Variants in MON2 observed in about 807,000 individuals in gnomAD.
MON2 encodes MON2 regulator of endosome-to-Golgi trafficking.
A neutral mutation model predicts 208.6 loss-of-function variants in MON2; 84 were observed. That is an observed-to-expected ratio of 0.40 (90% CI 0.34 to 0.48). The LOEUF is 0.48. MON2 is among the 20% of genes least tolerant of loss of function. The probability of loss-of-function intolerance (pLI) is 0.59; values close to 1 mark genes in which losing one functional copy is unlikely to be tolerated. For missense variants in MON2, 1,611 were observed against 2,015.4 expected (o/e 0.80, Z 3.84); for synonymous variants, 660 against 694.0 (o/e 0.95, Z 0.77).
intron 20 of MON2, among the ~76,000 whole-genome samples, chr12:62,544,494 C>A (rs1456607002): frequency 6.6e-6 from 1 of 151,928 alleles, no homozygotes; most frequent in Non-Finnish European, 1.5e-5. Context: ...TGTACATGAG[C>A]TTTCCCCCCA....
intron 14 of MON2, 50 bp downstream of exon 14, chr12:62,535,759 G>A: frequency 1.5e-6 from 2 of 1,360,722 alleles, no homozygotes; most frequent in Non-Finnish European, 9.9e-7. Context: ...ATGATATGGT[G>A]TAGACAGAAG....
At chr12:62,476,217 C>T (rs144013927) in intron 1 of MON2, among the ~76,000 whole-genome samples, 1 of 152,162 alleles carries the variant, frequency 6.6e-6, no homozygotes, top group Admixed American at 6.5e-5. Flanking sequence ...TTGAATGTTA[C>T]AGAAGAAAAT....
chr12:62,548,578 A>G (rs1333176020), intron 22 of MON2, among the ~76,000 whole-genome samples: 2 of 152,194 alleles, frequency 1.3e-5, no homozygotes, highest in Admixed American at 1.3e-4. Context: ...AAATATTTAT[A>G]GTAATAAAAT....
At chr12:62,521,052 T>C (rs1288072096) in intron 8 of MON2, among the ~76,000 whole-genome samples, 2 of 151,786 alleles carry the variant, frequency 1.3e-5, no homozygotes, top group African/African-American at 4.8e-5. Context: ...ATTGCCCAGG[T>C]TGGAGTGCAG....
intron 1 of MON2, among the ~76,000 whole-genome samples, chr12:62,477,759 C>T (rs1266796420): frequency 6.6e-6 from 1 of 152,162 alleles, no homozygotes; most frequent in Non-Finnish European, 1.5e-5. Context: ...CCCCACCTCA[C>T]CTCCATTCCT....
intron 32 of MON2, among the ~76,000 whole-genome samples, chr12:62,581,702 T>G (rs939816782): frequency 5.3e-5 from 8 of 152,074 alleles, no homozygotes; most frequent in African/African-American, 1.9e-4. Flanking sequence ...GTGATGGCAT[T>G]TGTCTGTTAT....
chr12:62,500,902 AT>A, intron 6 of MON2, 22 bp downstream of exon 6: 2 of 1,345,160 alleles, frequency 1.5e-6, no homozygotes, highest in African/African-American at 1.5e-5. Context: ...GATAAAAGTA[AT>A]TTTTATTCTA....
intron 12 of MON2, among the ~76,000 whole-genome samples, chr12:62,533,885 A>G (rs2072778964): frequency 6.6e-6 from 1 of 152,174 alleles, no homozygotes; most frequent in Non-Finnish European, 1.5e-5. Context: ...TCAGTACCAC[A>G]AGGTTTATTT....
intron 30 of MON2, 50 bp from the exon 31 acceptor site, chr12:62,578,395 A>G (rs1014152763): frequency 2.6e-6 from 3 of 1,170,550 alleles, no homozygotes; most frequent in Non-Finnish European, 3.6e-6. Context: ...TTTTGTTTGT[A>G]TTTGCAGGGA....
chr12:62,471,376 GT>G, intron 1 of MON2, among the ~76,000 whole-genome samples: 1 of 151,996 alleles, frequency 6.6e-6, no homozygotes, highest in Non-Finnish European at 1.5e-5. Context: ...TAGAGACGGG[GT>G]TTCACCATGT....
chr12:62,515,916 A>G (rs1206680668), intron 8 of MON2, among the ~76,000 whole-genome samples: 1 of 152,094 alleles, frequency 6.6e-6, no homozygotes, highest in Non-Finnish European at 1.5e-5. Context: ...TTTATATTGT[A>G]TGGTTTTACC....
At chr12:62,542,952 T>C (rs985720904) in intron 19 of MON2, 145 bp from the exon 20 acceptor site, 21 of 441,570 alleles carry the variant, frequency 4.8e-5, no homozygotes, top group Non-Finnish European at 8.2e-5. Flanking sequence ...CTTTGATAAC[T>C]GAGGTTTTGT....
intron 22 of MON2, among the ~76,000 whole-genome samples, chr12:62,548,049 T>A (rs1359064146): frequency 6.6e-6 from 1 of 152,148 alleles, no homozygotes; most frequent in Admixed American, 6.6e-5. Context: ...GGCAAAATTA[T>A]GAAGGAGATC....
rs187489541 is a variant in MON2 at position 62,566,573 on chromosome 12, A to G, written c.4323+123A>G. 78 of 1,032,086 alleles carry G rather than the reference A, an allele frequency of 7.6e-5. No homozygotes were observed. In the African/African-American group the frequency reaches 1.2e-3, roughly 16 times the overall value. The allele number at this position is 1,032,086 out of a possible 1,614,324, so 63.9% of individuals were successfully genotyped here. ...AAATACAATTTGTAGTATTATTTGT[A>G]ATGACTTTTCTCCAATATTCATGAA... is the stretch of plus-strand genomic sequence containing the variant. On this transcript the variant is annotated intron_variant, in intron 29 of 34. Transcript: ENST00000393630.
Position 62,519,960 on chromosome 12 carries a change from C to T in MON2, c.985-4555C>T, listed in dbSNP as rs553122856. 1.1e-3 allele frequency among the ~76,000 whole-genome samples: 164 copies of T among 152,314 alleles called. 1 individual carries two copies. Among genetic ancestry groups the T allele is most frequent in the African/African-American group, 3.5e-3 (145 of 41,570 alleles). On this transcript the variant is annotated intron_variant, in intron 8 of 34. Coordinates refer to ENST00000393630, the MANE Select transcript of MON2 (RefSeq NM_015026.3). ...CCTCTTGAGTAGCTGGGACTACTGG[C>T]GCCTGCCACCACGCCCGGCTAATTT... is the stretch of plus-strand genomic sequence containing the variant.
intron 4 of MON2, among the ~76,000 whole-genome samples, chr12:62,497,944 T>C (rs2070617722): frequency 6.6e-6 from 1 of 152,154 alleles, no homozygotes; most frequent in Non-Finnish European, 1.5e-5. Flanking sequence ...AAGTTAAACC[T>C]ATTCTTACCA....
At chr12:62,585,099 ACACACACACACAAAAC>A (rs769305721) in intron 32 of MON2, among the ~76,000 whole-genome samples, 179 bp from the exon 33 acceptor site, 22,557 of 107,570 alleles carry the variant, frequency 0.21, 2,501 homozygotes, top group Non-Finnish European at 0.23. Flanking sequence ...ACACACACAC[ACACACACACACAAAAC>A]AAAAAAAAAC....
At chr12:62,472,715 T>C (rs1048836472) in intron 1 of MON2, among the ~76,000 whole-genome samples, 1 of 152,236 alleles carries the variant, frequency 6.6e-6, no homozygotes, top group Non-Finnish European at 1.5e-5. Context: ...CTGGTTGGGT[T>C]AACACCTCAT....
At chr12:62,489,028 A>G (rs962876724) in intron 2 of MON2, among the ~76,000 whole-genome samples, 1 of 152,116 alleles carries the variant, frequency 6.6e-6, no homozygotes, top group Non-Finnish European at 1.5e-5. Flanking sequence ...AAAATTTAAT[A>G]AAATTGCTGT....
Sources: allele counts gnomAD v4.1 joint callset (sites outside exome capture counted in the v4.1 genomes callset), GRCh38; gene constraint gnomAD v4.1.1; transcripts MANE v1.5; gene names NCBI Gene and HGNC (gene_info 2026-07-23, HGNC 2026-07-21).